The following ELOVL6 variants were observed in gnomAD, a reference collection of about 807,000 sequenced individuals.
ELOVL6 encodes ELOVL fatty acid elongase 6.
Under a neutral mutation model 31.7 loss-of-function variants are expected in ELOVL6, and 8 were observed. That is an observed-to-expected ratio of 0.25 (90% CI 0.15 to 0.45). The LOEUF (loss-of-function observed/expected upper bound fraction) is 0.45, where lower values mean the gene tolerates loss of function less well. Among genes scored for constraint, ELOVL6 ranks in the 20% least tolerant of loss-of-function variants. The pLI is 1.00. For synonymous variants in ELOVL6, 101 were observed against 117.7 expected (o/e 0.86, Z 0.92); for missense variants, 126 against 326.4 (o/e 0.39, Z 4.73).
At chr4:110,186,648 A>G (rs1463071882) in intron 1 of ELOVL6, among the ~76,000 whole-genome samples, 1 of 151,322 alleles carries the variant, frequency 6.6e-6, no homozygotes, top group Non-Finnish European at 1.5e-5. Flanking sequence ...TACTAAAAAT[A>G]CAAAAATGAG....
intron 1 of ELOVL6, among the ~76,000 whole-genome samples, chr4:110,126,800 T>A (rs895068934): frequency 6.6e-6 from 1 of 152,168 alleles, no homozygotes; most frequent in Non-Finnish European, 1.5e-5. Context: ...TTGAGCTTGA[T>A]CCACTATTTC....
chr4:110,194,783 C>G (rs1759724142), intron 1 of ELOVL6, among the ~76,000 whole-genome samples: 1 of 152,148 alleles, frequency 6.6e-6, no homozygotes, highest in South Asian at 2.1e-4. Context: ...TTAAATGATG[C>G]TAGTTAGCAA....
chr4:110,053,944 A>C (rs1433948084), intron 3 of ELOVL6, among the ~76,000 whole-genome samples: 2 of 151,830 alleles, frequency 1.3e-5, no homozygotes. Flanking sequence ...ATCTCAAAAA[A>C]AAAAAATTAG....
intron 2 of ELOVL6, among the ~76,000 whole-genome samples, chr4:110,069,236 T>C (rs1755397845): frequency 1.3e-5 from 2 of 151,848 alleles, no homozygotes; most frequent in South Asian, 4.2e-4. Context: ...CACCTGGTTA[T>C]AGAATTTATA....
chr4:110,139,799 C>G (rs1757903746), intron 1 of ELOVL6, among the ~76,000 whole-genome samples: 1 of 152,206 alleles, frequency 6.6e-6, no homozygotes, highest in Non-Finnish European at 1.5e-5. Flanking sequence ...TCTACCATTA[C>G]TGGATCTTGC....
At chr4:110,094,438 T>TATATATATATAAATAA (rs1383825931) in intron 2 of ELOVL6, among the ~76,000 whole-genome samples, 1 of 55,354 alleles carries the variant, frequency 1.8e-5, no homozygotes, top group Non-Finnish European at 3.2e-5. Flanking sequence ...TATATATATA[T>TATATATATATAAATAA]ATATAATATA....
At chr4:110,145,923 C>A (rs1758092562) in intron 1 of ELOVL6, among the ~76,000 whole-genome samples, 1 of 152,150 alleles carries the variant, frequency 6.6e-6, no homozygotes, top group South Asian at 2.1e-4. Context: ...GACCATACTG[C>A]CCAAAGCAAT....
chr4:110,107,558 T>C (rs1756922189), intron 1 of ELOVL6, among the ~76,000 whole-genome samples: 1 of 152,204 alleles, frequency 6.6e-6, no homozygotes, highest in South Asian at 2.1e-4. Flanking sequence ...GAAACAATTT[T>C]GTGGAAACTT....
At chr4:110,191,632 C>A (rs6533498) in intron 1 of ELOVL6, among the ~76,000 whole-genome samples, 48,461 of 151,874 alleles carry the variant, frequency 0.32, 7,981 homozygotes, top group Middle Eastern at 0.43. Flanking sequence ...TCACTTAAGC[C>A]AAGATAAATT....
chr4:110,084,586 ATATTTTTTTTTTTT>A (rs1348082175), intron 2 of ELOVL6, among the ~76,000 whole-genome samples: 872 of 39,540 alleles, frequency 0.022, 29 homozygotes, highest in African/African-American at 0.083. Context: ...ATATATATAT[ATATTTTTTTTTTTT>A]TTTTTTTTTT....
intron 2 of ELOVL6, among the ~76,000 whole-genome samples, chr4:110,094,177 A>G (rs1756498822): frequency 6.7e-6 from 1 of 149,112 alleles, no homozygotes; most frequent in Admixed American, 6.8e-5. Context: ...TGAACCCAGG[A>G]GGTGGAGGCT....
intron 1 of ELOVL6, among the ~76,000 whole-genome samples, chr4:110,114,299 A>G (rs1757116508): frequency 6.6e-6 from 1 of 152,168 alleles, no homozygotes; most frequent in African/African-American, 2.4e-5. Context: ...AAGTTACACA[A>G]ATACAATTAT....
At chr4:110,087,201 C>T (rs556738677) in intron 2 of ELOVL6, among the ~76,000 whole-genome samples, 68 of 152,064 alleles carry the variant, frequency 4.5e-4, no homozygotes, top group African/African-American at 1.5e-3. Context: ...CCTCAGACAC[C>T]GCCCCCACAA....
rs558260427 is a variant in ELOVL6, at chr4:110,176,795, T to C, written c.89+21452A>G. On this transcript the variant is annotated intron_variant, in intron 1 of 3. Coordinates refer to ENST00000302274, the MANE Select transcript of ELOVL6 (RefSeq NM_024090.3). ...TCTTGTTGCCCAGGCTGGAGTGCAA[T>C]GGCACGATCTCGGCTCACTGCAACC... Among the ~76,000 whole-genome samples the C allele has an allele frequency of 3.0e-4, 46 of 152,324 alleles. 1 individual carries two copies. Among genetic ancestry groups the C allele is most frequent in the Admixed American group, 3.0e-3 (46 of 15,294 alleles).
At chr4:110,145,759 T>C (rs908340557) in intron 1 of ELOVL6, among the ~76,000 whole-genome samples, 8 of 151,400 alleles carry the variant, frequency 5.3e-5, no homozygotes, top group East Asian at 1.9e-4. Context: ...CCTAGAAATA[T>C]TGTGATGTTA....
chr4:110,192,088 G>A (rs1759639223), intron 1 of ELOVL6, among the ~76,000 whole-genome samples: 2 of 151,716 alleles, frequency 1.3e-5, no homozygotes, highest in African/African-American at 4.8e-5. Context: ...TACTCAGGAG[G>A]TTGAGGTAGG....
chr4:110,105,290 C>T (rs965186065), intron 2 of ELOVL6, among the ~76,000 whole-genome samples: 1 of 152,114 alleles, frequency 6.6e-6, no homozygotes. Context: ...CAAGAGATGG[C>T]CTGACACCTC....
chr4:110,184,850 C>G (rs1759393368), intron 1 of ELOVL6, among the ~76,000 whole-genome samples: 1 of 152,170 alleles, frequency 6.6e-6, no homozygotes, highest in African/African-American at 2.4e-5. Context: ...TTTGAGAAGA[C>G]AAACCCAAAG....
At position 110,151,297 on chromosome 4, in the gene ELOVL6, AATTG is replaced by A. The variant is rs536091802; in HGVS notation, c.90-45673_90-45670del. On this transcript the variant is annotated intron_variant, in intron 1 of 3. Transcript: ENST00000302274. ...GGATGAGACCCAAGTCTAAACACAA[AATTG>A]ATTGTTTCATATACACCTTATAAAC... Among the ~76,000 whole-genome samples, 533 of 152,092 alleles carry A rather than the reference AATTG, an allele frequency of 3.5e-3. 2 individuals are homozygous for A. The highest frequency in any genetic ancestry group is 0.012 in the African/African-American group (514 of 41,516).
Sources: gnomAD v4.1 joint callset for allele counts (sites outside exome capture counted in the v4.1 genomes callset) on GRCh38, gnomAD v4.1.1 for gene constraint, MANE v1.5 for transcripts, NCBI Gene and HGNC (gene_info 2026-07-23, HGNC 2026-07-21) for gene names.